CSMD1: variants seen among roughly 807,000 people sequenced by gnomAD.
The protein encoded by CSMD1 is CUB and sushi domain-containing protein 1.
CSMD1 carries 213 observed loss-of-function variants against 417.5 expected under a neutral mutation model. The ratio of observed to expected loss-of-function variants is 0.51; its 90% CI spans 0.46 to 0.57. CSMD1 has a LOEUF of 0.57. Ranked by LOEUF, CSMD1 falls within the 20% of genes least tolerant of loss-of-function variation. CSMD1 has a pLI of 0.00. For missense variants in CSMD1, 6,923 were observed against 4,529.7 expected (o/e 1.53, Z -15.17); for synonymous variants, 2,862 against 1,736.8 (o/e 1.65, Z -16.11).
intron 3 of CSMD1, among the ~76,000 whole-genome samples, chr8:4,066,208 C>A (rs1299614309): frequency 6.6e-6 from 1 of 152,224 alleles, no homozygotes; most frequent in Admixed American, 6.5e-5. Context: ...GTTTCAACTG[C>A]CAGTCATGGG....
chr8:3,554,560 C>T (rs1250793426), intron 10 of CSMD1, among the ~76,000 whole-genome samples: 1 of 152,184 alleles, frequency 6.6e-6, no homozygotes, highest in African/African-American at 2.4e-5. Flanking sequence ...CTGTTGGAAG[C>T]CATGAAGAAG....
At chr8:3,815,052 G>A (rs1226199513) in intron 5 of CSMD1, among the ~76,000 whole-genome samples, 4 of 152,172 alleles carry the variant, frequency 2.6e-5, no homozygotes, top group Non-Finnish European at 5.9e-5. Flanking sequence ...ACATGAAGAT[G>A]TTTGGGAAAA....
intron 31 of CSMD1, 33 bp from the exon 32 acceptor site, chr8:3,201,758 A>T (rs1309440703): frequency 7.5e-7 from 1 of 1,327,410 alleles, no homozygotes; most frequent in East Asian, 2.5e-5. Context: ...TTGGCACAAG[A>T]TGCTCTAAGA....
Position 3,151,453 on chromosome 8 carries a change from C to T in CSMD1, c.5975G>A (p.Gly1992Asp). ...GGVILSPGFPGSYPNNLDCTW... is the reference protein window; with the variant it reads ...GGVILSPGFPDSYPNNLDCTW... Reference sequence around the variant, plus strand: ...GCAGTCTAAGTTGTTGGGGTAAGAACCTGGGAAGCCGGGGCTCAGGATCAC... The same window carrying T: ...GCAGTCTAAGTTGTTGGGGTAAGAATCTGGGAAGCCGGGGCTCAGGATCAC... The change falls in exon 40 of 70, where the codon GGT becomes GAT. Residue 1992 changes from glycine to aspartate, a missense_variant. Coordinates refer to ENST00000635120, the MANE Select transcript of CSMD1 (RefSeq NM_033225.6). 6.2e-7 allele frequency: 1 copy of T among 1,613,860 alleles called. No individual in the cohort carries two copies. Among genetic ancestry groups the T allele is most frequent in the Non-Finnish European group, 8.5e-7 (1 of 1,179,910 alleles).
chr8:3,982,411 T>C (rs911634195), intron 5 of CSMD1, among the ~76,000 whole-genome samples: 1 of 151,640 alleles, frequency 6.6e-6, no homozygotes, highest in Non-Finnish European at 1.5e-5. Context: ...AGCTAATATA[T>C]GGAAAGCACA....
At chr8:3,843,160 T>G (rs1252838728) in intron 5 of CSMD1, among the ~76,000 whole-genome samples, 1 of 152,200 alleles carries the variant, frequency 6.6e-6, no homozygotes, top group African/African-American at 2.4e-5. Flanking sequence ...AATTCTCAAT[T>G]TTTCACTGTC....
intron 26 of CSMD1, among the ~76,000 whole-genome samples, chr8:3,266,241 T>G (rs1412965232): frequency 6.6e-6 from 1 of 150,658 alleles, no homozygotes; most frequent in East Asian, 2.0e-4. Flanking sequence ...GGGATGATCA[T>G]GAAAACCTAG....
At chr8:3,252,577 A>T (rs79865714) in intron 26 of CSMD1, among the ~76,000 whole-genome samples, 2 of 152,224 alleles carry the variant, frequency 1.3e-5, no homozygotes, top group African/African-American at 4.8e-5. Flanking sequence ...CTGGCCTCAT[A>T]AAATGAGTTA....
intron 2 of CSMD1, among the ~76,000 whole-genome samples, chr8:4,552,025 C>G (rs1047721037): frequency 6.6e-6 from 1 of 151,990 alleles, no homozygotes; most frequent in African/African-American, 2.4e-5. Context: ...CTAGAAGTAG[C>G]TTTAACAGTT....
chr8:4,602,286 G>C (rs373920388), intron 2 of CSMD1, among the ~76,000 whole-genome samples: 5 of 152,236 alleles, frequency 3.3e-5, no homozygotes, highest in Admixed American at 6.5e-5. Flanking sequence ...GAGGAAGAAA[G>C]GGGCCCTGCA....
chr8:3,347,010 T>A (rs2119847), intron 22 of CSMD1, among the ~76,000 whole-genome samples: 112 of 152,312 alleles, frequency 7.4e-4, no homozygotes, highest in African/African-American at 1.3e-3. Flanking sequence ...GGCTTCCCTG[T>A]GCCATGTTGA....
intron 1 of CSMD1, among the ~76,000 whole-genome samples, chr8:4,878,109 C>T (rs191269266): frequency 3.1e-4 from 47 of 152,158 alleles, no homozygotes; most frequent in Middle Eastern, 3.4e-3. Context: ...TAACCCTCAG[C>T]GTGTTCTGTT....
intron 5 of CSMD1, among the ~76,000 whole-genome samples, chr8:3,770,998 CT>C (rs1350034111): frequency 1.4e-5 from 2 of 141,376 alleles, no homozygotes; most frequent in East Asian, 2.1e-4. Context: ...GTTTCTCTCT[CT>C]CTCTCTCTGT....
At chr8:3,161,701 T>A (rs952701215) in intron 38 of CSMD1, among the ~76,000 whole-genome samples, 1 of 152,136 alleles carries the variant, frequency 6.6e-6, no homozygotes, top group Non-Finnish European at 1.5e-5. Flanking sequence ...CTTAATAGTT[T>A]TTAAAACTTA....
intron 46 of CSMD1, among the ~76,000 whole-genome samples, chr8:3,103,948 G>A (rs62488454): frequency 6.6e-6 from 1 of 151,642 alleles, no homozygotes; most frequent in Non-Finnish European, 1.5e-5. Context: ...TCTTCATGTT[G>A]GTCACGGTGG....
chr8:3,683,326 T>C (rs929843422), intron 7 of CSMD1, among the ~76,000 whole-genome samples: 4 of 152,116 alleles, frequency 2.6e-5, no homozygotes, highest in East Asian at 1.9e-4. Flanking sequence ...AGTTCTTTCA[T>C]TGTGTTCTCT....
At chr8:4,495,997 G>A (rs1019741809) in intron 2 of CSMD1, among the ~76,000 whole-genome samples, 4 of 152,106 alleles carry the variant, frequency 2.6e-5, no homozygotes, top group Non-Finnish European at 2.9e-5. Context: ...CAGCAACTGC[G>A]ACTCGTGTAA....
At chr8:3,617,772 C>G (rs1182053168) in intron 7 of CSMD1, among the ~76,000 whole-genome samples, 1 of 152,088 alleles carries the variant, frequency 6.6e-6, no homozygotes, top group African/African-American at 2.4e-5. Context: ...AGCAATGTCG[C>G]AATTCTGAAC....
At chr8:3,120,501 A>G (rs1352890046) in intron 41 of CSMD1, among the ~76,000 whole-genome samples, 1 of 152,130 alleles carries the variant, frequency 6.6e-6, no homozygotes, top group Non-Finnish European at 1.5e-5. Context: ...GTTATTATCC[A>G]TAGCTTTCTC....
Sources: gnomAD v4.1 joint callset for allele counts (sites outside exome capture counted in the v4.1 genomes callset) on GRCh38, gnomAD v4.1.1 for gene constraint, MANE v1.5 for transcripts, NCBI Gene and HGNC (gene_info 2026-07-23, HGNC 2026-07-21) for gene names.